FBXL7: variants seen among roughly 807,000 people sequenced by gnomAD.
FBXL7 encodes F-box/LRR-repeat protein 7.
In FBXL7, 12 loss-of-function variants were observed where a neutral mutation model predicts 38.3. The ratio of observed to expected loss-of-function variants is 0.31; its 90% CI spans 0.20 to 0.51. The LOEUF is 0.51. Among genes scored for constraint, FBXL7 ranks in the 20% least tolerant of loss-of-function variants. FBXL7 has a pLI of 0.98. For synonymous variants in FBXL7, 297 were observed against 300.9 expected (o/e 0.99, Z 0.13); for missense variants, 567 against 676.4 (o/e 0.84, Z 1.79).
chr5:15,887,885 G>T (rs1740742704), intron 2 of FBXL7, among the ~76,000 whole-genome samples: 1 of 152,106 alleles, frequency 6.6e-6, no homozygotes, highest in African/African-American at 2.4e-5. Flanking sequence ...TAAATTTCTT[G>T]GATTCTTTGC....
intron 1 of FBXL7, among the ~76,000 whole-genome samples, chr5:15,520,478 T>C (rs1737067461): frequency 6.6e-6 from 1 of 152,196 alleles, no homozygotes; most frequent in Non-Finnish European, 1.5e-5. Context: ...GTTGTGGGTA[T>C]GTGTGTTTAT....
chr5:15,915,701 G>T (rs1373755603), intron 2 of FBXL7, among the ~76,000 whole-genome samples: 1 of 152,154 alleles, frequency 6.6e-6, no homozygotes, highest in Non-Finnish European at 1.5e-5. Context: ...AGCTAGTCAA[G>T]GTTTTGATGC....
At chr5:15,516,798 T>G (rs926707291) in intron 1 of FBXL7, among the ~76,000 whole-genome samples, 1 of 152,098 alleles carries the variant, frequency 6.6e-6, no homozygotes, top group Non-Finnish European at 1.5e-5. Context: ...CTCTTCCCCC[T>G]TTTGGTCGGC....
rs1275639469 is a variant in FBXL7, at chr5:15,939,354, TG to T, written c.*2172del. The T allele has an allele frequency of 7.0e-6, 2 of 286,632 alleles. No homozygotes were observed. Among genetic ancestry groups the T allele is most frequent in the East Asian group, 1.2e-4 (2 of 17,310 alleles). 17.8% of individuals were successfully genotyped at this position (286,632 alleles called of 1,614,324 possible). On this transcript the variant is annotated 3_prime_UTR_variant, in exon 4 of 4. Coordinates refer to ENST00000504595, the MANE Select transcript of FBXL7 (RefSeq NM_012304.5). ...AAGGATTGTCCCTAATCCTTGGCCC[TG>T]GGGTCTTCCGAGTGAGCTGGTTTAA...
chr5:15,735,526 C>T, intron 2 of FBXL7, among the ~76,000 whole-genome samples: 1 of 152,076 alleles, frequency 6.6e-6, no homozygotes. Context: ...ATATTTTTGA[C>T]TAGAAAGGTA....
At chr5:15,647,844 G>A (rs1414341402) in intron 2 of FBXL7, among the ~76,000 whole-genome samples, 1 of 152,204 alleles carries the variant, frequency 6.6e-6, no homozygotes, top group Non-Finnish European at 1.5e-5. Context: ...TTTAGGATGA[G>A]AGGCAGAAGT....
Position 15,936,858 on chromosome 5 carries a change from C to T in FBXL7, c.1148C>T (p.Ala383Val), listed in dbSNP as rs1561195951. 1.9e-6 allele frequency: 3 copies of T among 1,613,816 alleles called. No individual in the cohort carries two copies. The highest frequency in any genetic ancestry group is 1.7e-5 in the Admixed American group (1 of 60,000). Residue 383 changes from alanine (A) to valine (V), a missense_variant, in exon 4 of 4, where the codon GCG (alanine) becomes GTG (valine). By Grantham distance (64) the Ala-to-Val change is moderately conservative (BLOSUM62 0). Coordinates refer to ENST00000504595, the MANE Select transcript of FBXL7 (RefSeq NM_012304.5). The surrounding 1 kb of genome is among the most constrained non-coding windows in gnomAD (Gnocchi z 6.0). The part of the protein sequence containing the change: ...KYCSKLRYLN[A>V]RGCEGITDHG... ...TGCAGCAAGCTGCGCTACCTCAACG[C>T]GAGGGGCTGCGAGGGCATCACGGAC...
chr5:15,648,552 G>C (rs969422270), intron 2 of FBXL7, among the ~76,000 whole-genome samples: 1 of 152,150 alleles, frequency 6.6e-6, no homozygotes, highest in Non-Finnish European at 1.5e-5. Flanking sequence ...AAGCCCAGTT[G>C]AACAGTTCAA....
intron 2 of FBXL7, among the ~76,000 whole-genome samples, chr5:15,629,423 T>C (rs571176532): frequency 9.9e-5 from 15 of 152,280 alleles, no homozygotes; most frequent in African/African-American, 3.1e-4. Context: ...ATTTCTAGTA[T>C]TGGGTACCAT....
intron 2 of FBXL7, among the ~76,000 whole-genome samples, chr5:15,650,665 A>T (rs1273621357): frequency 1.3e-5 from 2 of 152,232 alleles, no homozygotes; most frequent in African/African-American, 4.8e-5. Flanking sequence ...AACTAAGTTT[A>T]TGGAATATTT....
intron 2 of FBXL7, among the ~76,000 whole-genome samples, chr5:15,683,014 G>A (rs948286577): frequency 2.0e-5 from 3 of 152,170 alleles, no homozygotes; most frequent in Admixed American, 2.0e-4. Flanking sequence ...CCCCTGTAAT[G>A]TTTACAAAAG....
At chr5:15,712,765 A>G (rs1309048708) in intron 2 of FBXL7, among the ~76,000 whole-genome samples, 1 of 152,176 alleles carries the variant, frequency 6.6e-6, no homozygotes, top group Non-Finnish European at 1.5e-5. Flanking sequence ...TGAGGGTGGC[A>G]TTGCTGTCTG....
intron 2 of FBXL7, among the ~76,000 whole-genome samples, chr5:15,742,869 T>TAAAC (rs764851800): frequency 1.3e-4 from 20 of 152,046 alleles, no homozygotes; most frequent in Non-Finnish European, 1.9e-4. Context: ...AAAGGGAAAG[T>TAAAC]AAACACATCC....
At chr5:15,530,082 C>G (rs1737376236) in intron 1 of FBXL7, among the ~76,000 whole-genome samples, 1 of 152,194 alleles carries the variant, frequency 6.6e-6, no homozygotes, top group African/African-American at 2.4e-5. Flanking sequence ...ATGATGAAAT[C>G]TAGCATGCTG....
In FBXL7 at chr5:15,768,698, G is replaced by A. The variant is rs182898744; in HGVS notation, c.127+152626G>A. Among the ~76,000 whole-genome samples, 28 of 152,296 alleles carry A rather than the reference G, an allele frequency of 1.8e-4. No homozygotes were observed. The East Asian group carries it at 5.4e-3, about 29-fold the overall frequency. ...GGCTGGTCATGATAGTACACACAGA[G>A]CGTGGTCCACTCATGGTGTGGTGTG... On this transcript the variant is annotated intron_variant, in intron 2 of 3. Coordinates refer to ENST00000504595, the MANE Select transcript of FBXL7 (RefSeq NM_012304.5).
intron 1 of FBXL7, among the ~76,000 whole-genome samples, chr5:15,556,003 A>ATCTG (rs1738221551): frequency 4.1e-5 from 5 of 121,186 alleles, no homozygotes; most frequent in Admixed American, 3.8e-4. Flanking sequence ...CTATCTATCT[A>ATCTG]TCTATCTATC....
intron 2 of FBXL7, among the ~76,000 whole-genome samples, chr5:15,886,319 A>G (rs1740677228): frequency 6.6e-6 from 1 of 151,876 alleles, no homozygotes; most frequent in African/African-American, 2.4e-5. Context: ...GGCCATGCAT[A>G]TTTTTACAGT....
intron 2 of FBXL7, among the ~76,000 whole-genome samples, chr5:15,850,449 T>C (rs564076690): frequency 6.6e-6 from 1 of 152,322 alleles, no homozygotes; most frequent in South Asian, 2.1e-4. Context: ...TATTGCCAGG[T>C]AAATCAGCCC....
At position 15,813,427 on chromosome 5, in the gene FBXL7, A is replaced by C. The variant is rs553344405; in HGVS notation, c.128-114463A>C. On this transcript the variant is annotated intron_variant, in intron 2 of 3. Coordinates refer to ENST00000504595, the MANE Select transcript of FBXL7 (RefSeq NM_012304.5). ...TTACACCTTATACAAAAATTAACTC[A>C]AGATGGATTAAAGACTTACATGTAA... Among the ~76,000 whole-genome samples, 3 of 152,340 alleles carry C rather than the reference A, an allele frequency of 2.0e-5. No individual in the cohort carries two copies. The South Asian group carries it at 6.2e-4, about 32-fold the overall frequency.
Sources: gnomAD v4.1 joint callset for allele counts (sites outside exome capture counted in the v4.1 genomes callset) on GRCh38, gnomAD v4.1.1 for gene constraint, Gnocchi (gnomAD v3.1) non-coding constraint, MANE v1.5 for transcripts, NCBI Gene and HGNC (gene_info 2026-07-23, HGNC 2026-07-21) for gene names.